Variants in CD109 observed in about 807,000 individuals in gnomAD.
CD109 encodes CD109 molecule, also known as CD109 antigen.
A neutral mutation model predicts 165.8 loss-of-function variants in CD109; 149 were observed. That is an observed-to-expected ratio of 0.90 (90% CI 0.79 to 1.03). The LOEUF (loss-of-function observed/expected upper bound fraction) is 1.03. Among genes scored for constraint, CD109 ranks in the 50% least tolerant of loss-of-function variants. CD109 has a pLI of 0.00. For synonymous variants in CD109, 585 were observed against 592.1 expected (o/e 0.99, Z 0.18); for missense variants, 1,712 against 1,677.8 (o/e 1.02, Z -0.36).
Position 73,823,814 on chromosome 6 carries a change from T to A in CD109, c.*181T>A, listed in dbSNP as rs1459075178. 6.5e-6 allele frequency: 3 copies of A among 459,306 alleles called. No homozygotes were observed. Among genetic ancestry groups the A allele is most frequent in the Non-Finnish European group, 1.2e-5 (3 of 259,160 alleles). The allele number at this position is 459,306 out of a possible 1,614,324, so 28.5% of individuals were successfully genotyped here. On this transcript the variant is annotated 3_prime_UTR_variant, in exon 33 of 33. Transcript: ENST00000287097. Reference sequence around the variant, plus strand: ...TAGCTGCATAGATTTCTTCACCTGATCTTTGTGTGGAAGATCAGAATGAAT... The same window carrying A: ...TAGCTGCATAGATTTCTTCACCTGAACTTTGTGTGGAAGATCAGAATGAAT...
At chr6:73,741,087 A>C (rs776415868) in intron 5 of CD109, among the ~76,000 whole-genome samples, 1 of 151,872 alleles carries the variant, frequency 6.6e-6, no homozygotes, top group Non-Finnish European at 1.5e-5. Flanking sequence ...TAAGTTCTCA[A>C]TATATACATA....
At chr6:73,766,192 C>A in intron 11 of CD109, 38 bp downstream of exon 11, 1 of 1,491,672 alleles carries the variant, frequency 6.7e-7, no homozygotes, top group Non-Finnish European at 9.3e-7. Flanking sequence ...ACTGCAACAA[C>A]ACCATTACAG....
chr6:73,818,565 A>G (rs774466278), intron 31 of CD109, 30 bp downstream of exon 31: 5 of 1,599,284 alleles, frequency 3.1e-6, no homozygotes, highest in Non-Finnish European at 4.3e-6. Context: ...GTAACTGTTG[A>G]CAAAGCCACT....
At chr6:73,797,690 A>G (rs1775214480) in intron 23 of CD109, among the ~76,000 whole-genome samples, 1 of 152,190 alleles carries the variant, frequency 6.6e-6, no homozygotes, top group Admixed American at 6.5e-5. Flanking sequence ...AACTATGTTT[A>G]GAATGTTACT....
chr6:73,753,017 T>G (rs2150209994), intron 5 of CD109, among the ~76,000 whole-genome samples: 1 of 152,312 alleles, frequency 6.6e-6, no homozygotes, highest in South Asian at 2.1e-4. Flanking sequence ...CACTGAACAA[T>G]TTGGAAATAC....
At chr6:73,761,194 A>T (rs946261367) in intron 7 of CD109, among the ~76,000 whole-genome samples, 4 of 152,220 alleles carry the variant, frequency 2.6e-5, no homozygotes, top group Non-Finnish European at 5.9e-5. Context: ...ATGGTGTAAT[A>T]AACCTTCCTC....
At chr6:73,806,434 C>G (rs2150293520) in intron 24 of CD109, among the ~76,000 whole-genome samples, 1 of 152,212 alleles carries the variant, frequency 6.6e-6, no homozygotes, top group South Asian at 2.1e-4. Flanking sequence ...ATGGGTGCAG[C>G]ACACCAACAT....
chr6:73,812,032 C>T (rs1218424641), intron 28 of CD109, among the ~76,000 whole-genome samples, 173 bp from the exon 29 acceptor site: 1 of 152,158 alleles, frequency 6.6e-6, no homozygotes, highest in Non-Finnish European at 1.5e-5. Context: ...CCTTTCATCA[C>T]CTTGCTTACC....
intron 5 of CD109, among the ~76,000 whole-genome samples, chr6:73,738,299 C>A (rs781415048): frequency 6.6e-5 from 10 of 152,214 alleles, no homozygotes; most frequent in Non-Finnish European, 1.5e-4. Flanking sequence ...TCTTCTGATT[C>A]CATTAGCTTA....
At chr6:73,755,789 G>T (rs1398244854) in intron 5 of CD109, among the ~76,000 whole-genome samples, 1 of 139,818 alleles carries the variant, frequency 7.2e-6, no homozygotes, top group African/African-American at 2.7e-5. Context: ...GCAAAATCCT[G>T]TTCTACTTAA....
At chr6:73,716,643 G>A (rs1264608434) in intron 2 of CD109, among the ~76,000 whole-genome samples, 1 of 152,142 alleles carries the variant, frequency 6.6e-6, no homozygotes, top group Admixed American at 6.5e-5. Context: ...ATTTTTTCCT[G>A]TAGAGTTATT....
intron 30 of CD109, among the ~76,000 whole-genome samples, chr6:73,818,151 A>G (rs1413951538): frequency 6.6e-6 from 1 of 152,242 alleles, no homozygotes; most frequent in Non-Finnish European, 1.5e-5. Context: ...ATTGCATACT[A>G]TCTGTCAGAT....
intron 2 of CD109, among the ~76,000 whole-genome samples, chr6:73,721,767 T>C (rs9343065): frequency 1 from 151,886 of 152,200 alleles, 75,786 homozygotes; most frequent in Middle Eastern, 1. Context: ...GACAGAGTCT[T>C]GCTCTGTTGC....
At position 73,823,968 on chromosome 6, in the gene CD109, A is replaced by G. The variant is rs1430570401; in HGVS notation, c.*335A>G. 2 of 169,350 alleles carry G rather than the reference A, an allele frequency of 1.2e-5. No homozygotes were observed. Among genetic ancestry groups the G allele is most frequent in the Admixed American group, 6.1e-5 (1 of 16,282 alleles). The allele number at this position is 169,350 out of a possible 1,614,324, so 10.5% of individuals were successfully genotyped here. On this transcript the variant is annotated 3_prime_UTR_variant, in exon 33 of 33. Coordinates refer to ENST00000287097, the MANE Select transcript of CD109 (RefSeq NM_133493.5). ...CTCATTTTGTGAAAGAAATGAACCT[A>G]GATTCTTAAGCATTATTACACATCC...
At chr6:73,809,231 A>T (rs1188813376) in intron 26 of CD109, among the ~76,000 whole-genome samples, 1 of 151,734 alleles carries the variant, frequency 6.6e-6, no homozygotes, top group Non-Finnish European at 1.5e-5. Context: ...GGGGATCCTA[A>T]TTTTTTTTCC....
Position 73,766,077 on chromosome 6 carries a change from A to C in CD109, c.1255A>C (p.Asn419His). The stretch of plus-strand genomic sequence containing the variant: ...GAAAATGGAAGCTGTTCAGAAAATA[A>C]ATTATACTGTCCCCCAAAGTGGAAC... ...NQKMEAVQKINYTVPQSGTFK... is the reference protein window; with the variant it reads ...NQKMEAVQKIHYTVPQSGTFK... Residue 419 changes from asparagine to histidine, a missense_variant, in exon 11 of 33, where the codon AAT (asparagine) becomes CAT (histidine). Physicochemically the swap from Asn to His is moderately conservative, Grantham distance 68. Transcript: ENST00000287097. 6.2e-7 allele frequency: 1 copy of C among 1,614,076 alleles called. No individual in the cohort carries two copies. Among genetic ancestry groups the C allele is most frequent in the Non-Finnish European group, 8.5e-7 (1 of 1,179,972 alleles).
intron 14 of CD109, among the ~76,000 whole-genome samples, chr6:73,770,148 T>C (rs1366465683): frequency 6.6e-6 from 1 of 152,140 alleles, no homozygotes; most frequent in Non-Finnish European, 1.5e-5. Flanking sequence ...TGGGACTCTG[T>C]CTTTCTTGAT....
intron 23 of CD109, among the ~76,000 whole-genome samples, chr6:73,793,172 A>G (rs887318034): frequency 5.3e-5 from 8 of 152,334 alleles, no homozygotes; most frequent in African/African-American, 1.9e-4. Context: ...TCGTGCCAAG[A>G]AAACAGAGGG....
chr6:73,767,725 T>G (rs184881794), intron 13 of CD109, among the ~76,000 whole-genome samples: 13 of 152,200 alleles, frequency 8.5e-5, no homozygotes, highest in Admixed American at 7.9e-4. Flanking sequence ...GTAAGAAAAA[T>G]GAAAAAGAAA....
Sources: gnomAD v4.1 joint callset for allele counts (sites outside exome capture counted in the v4.1 genomes callset) on GRCh38, gnomAD v4.1.1 for gene constraint, MANE v1.5 for transcripts, NCBI Gene and HGNC (gene_info 2026-07-23, HGNC 2026-07-21) for gene names.